Variants in MCU observed in about 807,000 individuals in gnomAD.
The protein encoded by MCU is mitochondrial calcium uniporter, also known as calcium uniporter protein, mitochondrial.
In MCU, 12 loss-of-function variants were observed where a neutral mutation model predicts 45.2. The observed-to-expected ratio is 0.27, with a 90% CI of 0.17 to 0.43. The LOEUF is 0.43. MCU is among the 20% of genes least tolerant of loss of function. The pLI is 1.00. For missense variants in MCU, 324 were observed against 436.7 expected (o/e 0.74, Z 2.30); for synonymous variants, 160 against 165.1 (o/e 0.97, Z 0.24).
At chr10:72,699,343 A>G (rs941441373) in intron 1 of MCU, among the ~76,000 whole-genome samples, 4 of 152,058 alleles carry the variant, frequency 2.6e-5, no homozygotes, top group Admixed American at 2.0e-4. Flanking sequence ...CGTCTCTACT[A>G]AAAATACAAA....
At chr10:72,719,336 G>A (rs77121515) in intron 1 of MCU, among the ~76,000 whole-genome samples, 2,768 of 152,278 alleles carry the variant, frequency 0.018, 61 homozygotes, top group Middle Eastern at 0.044. Context: ...GAAGAATAAA[G>A]TAGCTGATGT....
intron 1 of MCU, among the ~76,000 whole-genome samples, chr10:72,764,587 T>A (rs1243053575): frequency 6.6e-6 from 1 of 152,198 alleles, no homozygotes; most frequent in African/African-American, 2.4e-5. Flanking sequence ...CTATAAAATG[T>A]TTAAATGGTG....
intron 1 of MCU, among the ~76,000 whole-genome samples, chr10:72,822,690 T>C (rs539003446): frequency 1.2e-4 from 19 of 152,174 alleles, no homozygotes; most frequent in African/African-American, 4.1e-4. Flanking sequence ...AAAAGACAGA[T>C]AGGACTGGGT....
chr10:72,870,288 CT>C (rs942044763), intron 5 of MCU, among the ~76,000 whole-genome samples: 2 of 151,664 alleles, frequency 1.3e-5, no homozygotes, highest in East Asian at 3.9e-4. Context: ...ATTTTCTTTT[CT>C]TTTTTTTGAG....
intron 1 of MCU, among the ~76,000 whole-genome samples, chr10:72,805,147 C>CTTTCTT (rs1554824939): frequency 7.1e-6 from 1 of 139,890 alleles, no homozygotes; most frequent in Non-Finnish European, 1.5e-5. Flanking sequence ...TTCTTTCTTT[C>CTTTCTT]TTTCTTTCTT....
intron 1 of MCU, among the ~76,000 whole-genome samples, chr10:72,792,802 C>T (rs188128955): frequency 2.0e-5 from 3 of 146,974 alleles, no homozygotes; most frequent in Admixed American, 7.0e-5. Context: ...TGAATGACAT[C>T]AGTGTGTGTA....
chr10:72,713,171 A>G (rs962509817), intron 1 of MCU, among the ~76,000 whole-genome samples: 1 of 152,230 alleles, frequency 6.6e-6, no homozygotes, highest in Non-Finnish European at 1.5e-5. Flanking sequence ...GGGTGGTATA[A>G]TAGTCTTTTG....
Position 72,871,394 on chromosome 10 carries a change from C to T in MCU, c.675C>T (p.Ser225=). The T allele has an allele frequency of 1.9e-6, 3 of 1,614,028 alleles. No individual in the cohort carries two copies. The highest frequency in any genetic ancestry group is 2.2e-5 in the East Asian group (1 of 44,886). ...APLEKVRIEI[S]RKAEKRTTLV... The stretch of plus-strand genomic sequence containing the variant: ...CCCAATAGGTACGAATTGAGATTAG[C>T]AGAAAAGCTGAGAAGAGGACCACTT... The change falls in exon 6 of 8, where the codon AGC becomes AGT. Residue 225 remains serine (S), a synonymous_variant. Transcript: ENST00000373053.
At chr10:72,839,853 A>G (rs947032185) in intron 2 of MCU, among the ~76,000 whole-genome samples, 4 of 150,502 alleles carry the variant, frequency 2.7e-5, no homozygotes, top group Non-Finnish European at 5.9e-5. Flanking sequence ...AGTCCCAACT[A>G]CTCAGGAGGC....
chr10:72,787,282 T>G (rs550937610), intron 1 of MCU, among the ~76,000 whole-genome samples: 1 of 152,152 alleles, frequency 6.6e-6, no homozygotes, highest in Non-Finnish European at 1.5e-5. Flanking sequence ...TTTCGTTTGT[T>G]TTTTGAGACA....
At chr10:72,860,117 G>A in intron 3 of MCU, 1 of 286,046 alleles carries the variant, frequency 3.5e-6, no homozygotes, top group Non-Finnish European at 6.7e-6. Context: ...ATTATAGGCA[G>A]TATTAAGCCC....
chr10:72,761,144 T>A (rs1269700794), intron 1 of MCU, among the ~76,000 whole-genome samples: 1 of 152,196 alleles, frequency 6.6e-6, no homozygotes, highest in Non-Finnish European at 1.5e-5. Flanking sequence ...ATGAAGTGAC[T>A]GAAGATTAGA....
chr10:72,692,430 C>T, intron 1 of MCU, 129 bp downstream of exon 1: 1 of 928,850 alleles, frequency 1.1e-6, no homozygotes, highest in Non-Finnish European at 1.3e-6. Context: ...GGTTGCCGGG[C>T]ACCGAGGAGC....
At chr10:72,736,087 T>C (rs1344166478) in intron 1 of MCU, among the ~76,000 whole-genome samples, 3 of 152,262 alleles carry the variant, frequency 2.0e-5, no homozygotes, top group East Asian at 1.9e-4. Flanking sequence ...ATTAATACTT[T>C]ACAATTTTTC....
intron 1 of MCU, among the ~76,000 whole-genome samples, chr10:72,830,089 T>G (rs1844857271): frequency 6.6e-6 from 1 of 152,218 alleles, no homozygotes; most frequent in Non-Finnish European, 1.5e-5. Context: ...TTTGATACTT[T>G]GTGGGCCGTG....
chr10:72,841,706 C>G (rs1316367290), intron 2 of MCU, among the ~76,000 whole-genome samples: 1 of 152,214 alleles, frequency 6.6e-6, no homozygotes, highest in African/African-American at 2.4e-5. Context: ...GAAAGCAGCT[C>G]CACCCATTGT....
At chr10:72,721,374 T>A (rs952488034) in intron 1 of MCU, among the ~76,000 whole-genome samples, 11 of 152,176 alleles carry the variant, frequency 7.2e-5, no homozygotes. Context: ...CCACTCTGGC[T>A]GATTCAAAGT....
intron 1 of MCU, among the ~76,000 whole-genome samples, chr10:72,713,163 G>A (rs1378062757): frequency 6.6e-6 from 1 of 152,174 alleles, no homozygotes; most frequent in Admixed American, 6.5e-5. Flanking sequence ...TTAATTAGGG[G>A]TGGTATAATA....
intron 6 of MCU, among the ~76,000 whole-genome samples, chr10:72,874,338 TTATAA>T (rs1257653133): frequency 6.6e-6 from 1 of 152,206 alleles, no homozygotes; most frequent in African/African-American, 2.4e-5. Context: ...TCAGTTATTA[TTATAA>T]TATACCATCA....
Sources: allele counts gnomAD v4.1 joint callset (sites outside exome capture counted in the v4.1 genomes callset), GRCh38; gene constraint gnomAD v4.1.1; transcripts MANE v1.5; gene names NCBI Gene and HGNC (gene_info 2026-07-23, HGNC 2026-07-21).